The following TMEM254 variants were observed in gnomAD, a reference collection of about 807,000 sequenced individuals.
TMEM254 encodes transmembrane protein C10orf57.
Under a neutral mutation model 13.9 loss-of-function variants are expected in TMEM254, and 16 were observed. The ratio of observed to expected loss-of-function variants is 1.15; its 90% CI spans 0.78 to 1.75. The LOEUF (loss-of-function observed/expected upper bound fraction) is 1.75. Among genes scored for constraint, TMEM254 ranks in the 40% most tolerant of loss-of-function variants. The pLI is 0.00. For missense variants in TMEM254, 155 were observed against 149.0 expected (o/e 1.04, Z -0.21); for synonymous variants, 61 against 56.4 (o/e 1.08, Z -0.36).
chr10:80,085,725 G>A (rs1844282950), intron 3 of TMEM254, among the ~76,000 whole-genome samples: 1 of 152,128 alleles, frequency 6.6e-6, no homozygotes, highest in South Asian at 2.1e-4. Context: ...GAAAGGTGCT[G>A]TAATTCTTGT....
At chr10:80,079,348 T>C (rs1843841395) in intron 1 of TMEM254, 10 of 1,182,318 alleles carry the variant, frequency 8.5e-6, no homozygotes, top group Non-Finnish European at 1.1e-5. Context: ...AGTTTCTGCT[T>C]TCTAGTGTTC....
At chr10:80,082,314 G>A in intron 3 of TMEM254, 110 bp downstream of exon 3, 2 of 1,305,418 alleles carry the variant, frequency 1.5e-6, no homozygotes, top group Non-Finnish European at 2.2e-6. Flanking sequence ...TATTCTCAGG[G>A]TAGAGCGGAA....
At chr10:80,080,150 G>A (rs1403947628) in intron 1 of TMEM254, among the ~76,000 whole-genome samples, 1 of 152,216 alleles carries the variant, frequency 6.6e-6, no homozygotes, top group African/African-American at 2.4e-5. Context: ...AATATAGTTG[G>A]AGGAAAGCTT....
Position 80,086,670 on chromosome 10 carries a change from G to A in TMEM254, c.252-4127G>A, listed in dbSNP as rs373274329. Among the ~76,000 whole-genome samples, 439 of 151,900 alleles carry A rather than the reference G, an allele frequency of 2.9e-3. 2 individuals carry two copies. Among genetic ancestry groups the A allele is most frequent in the South Asian group, 0.012 (57 of 4,788 alleles). ...AGCCTGGCCAATATGGTGAAACCCC[G>A]TCTCTACTAAAATACAAAAAATTAG... On this transcript the variant is annotated intron_variant, in intron 3 of 3. Coordinates refer to ENST00000372281, the MANE Select transcript of TMEM254 (RefSeq NM_025125.4).
chr10:80,082,480 A>G (rs1844090571), intron 3 of TMEM254, among the ~76,000 whole-genome samples: 1 of 152,210 alleles, frequency 6.6e-6, no homozygotes, highest in Non-Finnish European at 1.5e-5. Context: ...AGCCCCAACT[A>G]GATCAAAAGA....
intron 3 of TMEM254, chr10:80,086,235 A>C (rs1844307088): frequency 1.4e-6 from 2 of 1,474,890 alleles, no homozygotes. Context: ...AAATAGGCAA[A>C]ATGAGCTAAG....
intron 3 of TMEM254, among the ~76,000 whole-genome samples, chr10:80,085,022 A>G (rs1376426560): frequency 6.6e-6 from 1 of 151,842 alleles, no homozygotes; most frequent in Non-Finnish European, 1.5e-5. Context: ...GAGTTTCACC[A>G]TGTTGGCCAG....
chr10:80,085,099 C>T (rs998981239), intron 3 of TMEM254, among the ~76,000 whole-genome samples: 4 of 152,082 alleles, frequency 2.6e-5, no homozygotes, highest in African/African-American at 4.8e-5. Flanking sequence ...GGATTACAGA[C>T]GTGAGCCACC....
chr10:80,081,676 G>A (rs370724942), intron 1 of TMEM254, 165 bp from the exon 2 acceptor site: 14 of 1,416,850 alleles, frequency 9.9e-6, no homozygotes, highest in Admixed American at 6.1e-5. Context: ...AAAAAAAAAA[G>A]AAAGAAAGAA....
chr10:80,086,288 C>G, intron 3 of TMEM254: 3 of 1,447,058 alleles, frequency 2.1e-6, no homozygotes, highest in Non-Finnish European at 2.7e-6. Context: ...TTATGATGAC[C>G]CCAGGAAAAC....
rs776888973 is a variant in TMEM254 at position 80,090,956 on chromosome 10, C to T, written c.*39C>T. The T allele has an allele frequency of 3.1e-6, 5 of 1,606,498 alleles. No homozygotes were observed. Among genetic ancestry groups the T allele is most frequent in the African/African-American group, 1.3e-5 (1 of 74,450 alleles). On this transcript the variant is annotated 3_prime_UTR_variant, in exon 4 of 4. Transcript: ENST00000372281. ...CTTGCTCTACACTTTTACATTCATC[C>T]TCACCCTTTTTTTTGTGGGGTAGAG...
chr10:80,088,089 G>T (rs939856050), intron 3 of TMEM254, among the ~76,000 whole-genome samples: 1 of 151,418 alleles, frequency 6.6e-6, no homozygotes, highest in African/African-American at 2.4e-5. Context: ...TCTGGATGCC[G>T]TTATCCCAGA....
chr10:80,080,451 C>T (rs938642419), intron 1 of TMEM254, among the ~76,000 whole-genome samples: 1 of 152,174 alleles, frequency 6.6e-6, no homozygotes, highest in Non-Finnish European at 1.5e-5. Context: ...ACAACCTTAT[C>T]TCACTTATTT....
rs1355880506 is a variant in TMEM254, at chr10:80,092,301, C to G, written c.*1384C>G. The G allele has an allele frequency of 6.6e-6, 1 of 152,188 alleles. No homozygotes were observed. Among genetic ancestry groups the G allele is most frequent in the East Asian group, 1.9e-4 (1 of 5,198 alleles). The allele number at this position is 152,188 out of a possible 1,614,324, so 9.4% of individuals were successfully genotyped here. A position where few individuals can be genotyped will look rare whatever the true frequency, so the allele number is the denominator to read the frequency against. ...AAAGATTATGAACTATGAATTGTCT[C>G]TGGTAGAGATAAATTTCTGCAAACA... On this transcript the variant is annotated 3_prime_UTR_variant, in exon 4 of 4. Transcript: ENST00000372281.
chr10:80,079,189 G>A (rs1400159913), intron 1 of TMEM254: 3 of 1,294,172 alleles, frequency 2.3e-6, no homozygotes, highest in Admixed American at 2.4e-5. Flanking sequence ...TTCGCGGTGA[G>A]GCGTGGGGTG....
In TMEM254 at chr10:80,088,268, G is replaced by A. The variant is rs1293649260; in HGVS notation, c.252-2529G>A. 2.0e-5 allele frequency among the ~76,000 whole-genome samples: 3 copies of A among 152,012 alleles called. No homozygotes were observed. The East Asian group carries it at 5.8e-4, about 29-fold the overall frequency. Reference sequence around the variant, plus strand: ...AGCAGCTTTATAATCATTGTTATCTGACAAAGCATCTCCTCTCATCTTGTT... The same window carrying A: ...AGCAGCTTTATAATCATTGTTATCTAACAAAGCATCTCCTCTCATCTTGTT... On this transcript the variant is annotated intron_variant, in intron 3 of 3. Transcript: ENST00000372281.
chr10:80,078,896 C>G (rs1843790167), intron 1 of TMEM254, 110 bp downstream of exon 1: 1 of 1,525,350 alleles, frequency 6.6e-7, no homozygotes, highest in South Asian at 1.2e-5. Flanking sequence ...CAAGCACAAT[C>G]CCGACTCCCG....
At chr10:80,085,458 T>A (rs934648660) in intron 3 of TMEM254, among the ~76,000 whole-genome samples, 9 of 151,724 alleles carry the variant, frequency 5.9e-5, no homozygotes, top group Non-Finnish European at 1.2e-4. Flanking sequence ...CCCCAGCTAC[T>A]CAGGAGGCTG....
chr10:80,079,228 C>T lies in TMEM254; in HGVS notation c.87+442C>T, dbSNP rs1021315031. ...CGGGGCGGGCCTCTGTTTTGGCCCG[C>T]CGGGCCCTCGTAGGGCGAGGGGAGC... On this transcript the variant is annotated intron_variant, in intron 1 of 3. Transcript: ENST00000372281. 10 of 1,265,896 alleles carry T rather than the reference C, an allele frequency of 7.9e-6. No individual in the cohort carries two copies. The Admixed American group carries it at 2.5e-4, about 31-fold the overall frequency. The allele number at this position is 1,265,896 out of a possible 1,614,324, so 78.4% of individuals were successfully genotyped here. A position where few individuals can be genotyped will look rare whatever the true frequency, so the allele number is the denominator to read the frequency against.
Sources: gnomAD v4.1 joint callset for allele counts (sites outside exome capture counted in the v4.1 genomes callset) on GRCh38, gnomAD v4.1.1 for gene constraint, MANE v1.5 for transcripts, NCBI Gene and HGNC (gene_info 2026-07-23, HGNC 2026-07-21) for gene names.